Variants in SEC23IP observed in about 807,000 individuals in gnomAD.
The protein encoded by SEC23IP is SEC23 interacting protein, also known as SEC23-interacting protein.
A neutral mutation model predicts 113.4 loss-of-function variants in SEC23IP; 70 were observed. That is an observed-to-expected ratio of 0.62 (90% CI 0.51 to 0.75). SEC23IP has a LOEUF of 0.75. Among genes scored for constraint, SEC23IP ranks in the 30% least tolerant of loss-of-function variants. The pLI, the probability that SEC23IP is intolerant of heterozygous loss-of-function variation, is 0.00. For synonymous variants in SEC23IP, 398 were observed against 421.0 expected (o/e 0.95, Z 0.67); for missense variants, 1,160 against 1,204.9 (o/e 0.96, Z 0.55).
At chr10:119,902,460 AT>A in intron 2 of SEC23IP, among the ~76,000 whole-genome samples, 1 of 152,120 alleles carries the variant, frequency 6.6e-6, no homozygotes, top group South Asian at 2.1e-4. Flanking sequence ...CTTGTAATTG[AT>A]TTTTTTCTAA....
chr10:119,932,257 A>T lies in SEC23IP; in HGVS notation c.2697A>T (p.Gln899His). The part of the protein sequence containing the change: ...ARAHTSSTQL[Q>H]EELEKVANQI... ...CTCATACGTCTTCAACCCAGTTGCA[A>T]GAAGAATTGGAGAAGGTGGCCAATC... is the stretch of plus-strand genomic sequence containing the variant. Residue 899 changes from glutamine (Q) to histidine (H), a missense_variant, in exon 16 of 19, where the codon CAA (glutamine) becomes CAT (histidine). Gln to His is a conservative substitution (Grantham distance 24). Coordinates refer to ENST00000369075, the MANE Select transcript of SEC23IP (RefSeq NM_007190.4). 1.2e-6 allele frequency: 2 copies of T among 1,614,172 alleles called. No individual in the cohort carries two copies. Among genetic ancestry groups the T allele is most frequent in the Non-Finnish European group, 1.7e-6 (2 of 1,179,984 alleles).
At chr10:119,901,294 A>G (rs1854491355) in intron 2 of SEC23IP, among the ~76,000 whole-genome samples, 5 of 151,834 alleles carry the variant, frequency 3.3e-5, no homozygotes, top group Admixed American at 3.3e-4. Flanking sequence ...GGTGTGAACC[A>G]TCGTGTCTAT....
At position 119,942,140 on chromosome 10, in the gene SEC23IP, C is replaced by A. The variant is rs537008908; in HGVS notation, c.*1575C>A. Reference sequence around the variant, plus strand: ...TTCAATAAAATCCAATTTGATTTTTCAACTTACATCTGATTTTTGTTTGTG... The same window carrying A: ...TTCAATAAAATCCAATTTGATTTTTAAACTTACATCTGATTTTTGTTTGTG... On this transcript the variant is annotated 3_prime_UTR_variant, in exon 19 of 19. Transcript: ENST00000369075. 2.8e-4 allele frequency: 42 copies of A among 152,178 alleles called. No individual in the cohort carries two copies. Among genetic ancestry groups the A allele is most frequent in the African/African-American group, 9.2e-4 (38 of 41,520 alleles). The allele number at this position is 152,178 out of a possible 1,614,324, so 9.4% of individuals were successfully genotyped here.
chr10:119,908,120 G>A (rs938314402), intron 4 of SEC23IP, among the ~76,000 whole-genome samples: 6 of 152,106 alleles, frequency 3.9e-5, no homozygotes, highest in Non-Finnish European at 8.8e-5. Context: ...AGGGATTTTG[G>A]TATCTTTGAG....
At chr10:119,918,542 G>T in intron 10 of SEC23IP, 31 bp downstream of exon 10, 2 of 1,229,324 alleles carry the variant, frequency 1.6e-6, no homozygotes, top group South Asian at 1.2e-5. Context: ...TTAACATTTC[G>T]ATTTAGAGTC....
At chr10:119,921,975 CT>C (rs35220589) in intron 12 of SEC23IP, among the ~76,000 whole-genome samples, 109,046 of 151,812 alleles carry the variant, frequency 0.72, 39,489 homozygotes, top group East Asian at 0.82. Context: ...GGAATTGAGT[CT>C]TCTCAGCATT....
intron 1 of SEC23IP, among the ~76,000 whole-genome samples, chr10:119,895,451 A>C (rs907394162): frequency 1.3e-5 from 2 of 152,202 alleles, no homozygotes; most frequent in African/African-American, 4.8e-5. Flanking sequence ...GAGACACAGA[A>C]GAGCAGACAG....
intron 1 of SEC23IP, among the ~76,000 whole-genome samples, chr10:119,896,776 G>A (rs549470851): frequency 9.6e-5 from 14 of 145,438 alleles, no homozygotes; most frequent in African/African-American, 3.5e-4. Context: ...ATACCACTGA[G>A]TTTTTTTTTT....
At chr10:119,940,331 G>A (rs952444509) in intron 18 of SEC23IP, among the ~76,000 whole-genome samples, 2 of 151,912 alleles carry the variant, frequency 1.3e-5, no homozygotes, top group African/African-American at 2.4e-5. Context: ...GGGATTACAG[G>A]CACCCGCCAC....
Position 119,904,221 on chromosome 10 carries a change from G to C in SEC23IP, c.1045G>C (p.Gly349Arg), listed in dbSNP as rs1466672470. 1 of 1,614,158 alleles carries C rather than the reference G, an allele frequency of 6.2e-7. No individual in the cohort carries two copies. The highest frequency in any genetic ancestry group is 1.7e-5 in the Admixed American group (1 of 60,018). The change falls in exon 4 of 19, where the codon GGG becomes CGG. Residue 349 changes from glycine (G) to arginine (R), a missense_variant. By Grantham distance (125) the Gly-to-Arg change is moderately radical. Transcript: ENST00000369075. ...EVRRCTWFYK[G>R]DTDSRFIPYT... ...GAGACGCTGTACTTGGTTTTACAAG[G>C]GGGACACAGATAGTCGATTTATTCC...
intron 1 of SEC23IP, 31 bp downstream of exon 1, chr10:119,892,976 TG>T: frequency 6.3e-7 from 1 of 1,592,664 alleles, no homozygotes; most frequent in Non-Finnish European, 8.5e-7. Context: ...CCGTGTGTGG[TG>T]GGAGGCGGGC....
intron 9 of SEC23IP, 130 bp from the exon 10 acceptor site, chr10:119,918,263 A>G: frequency 1.5e-6 from 1 of 688,332 alleles, no homozygotes; most frequent in East Asian, 2.7e-5. Flanking sequence ...GCTGTTTGAT[A>G]AAATAATTAA....
At chr10:119,911,949 C>G in intron 5 of SEC23IP, 95 bp from the exon 6 acceptor site, 1 of 1,418,764 alleles carries the variant, frequency 7.0e-7, no homozygotes. Flanking sequence ...ACTCTCCGTA[C>G]TCTGAGGTAT....
intron 5 of SEC23IP, among the ~76,000 whole-genome samples, chr10:119,909,436 A>G (rs558575579): frequency 5.3e-5 from 8 of 152,230 alleles, no homozygotes; most frequent in African/African-American, 1.4e-4. Context: ...AAATAGAAAA[A>G]TTAGCTGGGT....
intron 4 of SEC23IP, among the ~76,000 whole-genome samples, chr10:119,906,636 C>T (rs920811945): frequency 9.9e-5 from 15 of 152,108 alleles, no homozygotes; most frequent in African/African-American, 1.4e-4. Context: ...AGTGCAGTGG[C>T]GTGATTTCAG....
At chr10:119,923,009 A>AC (rs1855299327) in intron 12 of SEC23IP, among the ~76,000 whole-genome samples, 1 of 150,086 alleles carries the variant, frequency 6.7e-6, no homozygotes, top group African/African-American at 2.4e-5. Flanking sequence ...CTATAAAAAA[A>AC]AAAACAAAAA....
chr10:119,930,845 A>G (rs1855573069), intron 15 of SEC23IP, among the ~76,000 whole-genome samples: 1 of 152,222 alleles, frequency 6.6e-6, no homozygotes, highest in South Asian at 2.1e-4. Context: ...AATTCATTAA[A>G]CATAATGGAT....
At chr10:119,932,427 A>G in intron 16 of SEC23IP, 109 bp downstream of exon 16, 1 of 822,422 alleles carries the variant, frequency 1.2e-6, no homozygotes. Context: ...GTTAAATTAT[A>G]GAAGCTCTTT....
In SEC23IP at chr10:119,910,735, G is replaced by A. The variant is rs1854829159; in HGVS notation, c.1192-1309G>A. Among the ~76,000 whole-genome samples, 5 of 152,162 alleles carry A rather than the reference G, an allele frequency of 3.3e-5. 1 individual carries two copies. The highest frequency in any genetic ancestry group is 4.2e-4 in the South Asian group (2 of 4,816). ...GTCTCACTCCCTTACCCAGGCTGTA[G>A]TGCAGTGGCCAATCACAACTCGCTG... On this transcript the variant is annotated intron_variant, in intron 5 of 18. Transcript: ENST00000369075.
Sources: gnomAD v4.1 joint callset for allele counts (sites outside exome capture counted in the v4.1 genomes callset) on GRCh38, gnomAD v4.1.1 for gene constraint, MANE v1.5 for transcripts, NCBI Gene and HGNC (gene_info 2026-07-23, HGNC 2026-07-21) for gene names.